Variants in BCL2 observed in about 807,000 individuals in gnomAD.
The protein encoded by BCL2 is apoptosis regulator Bcl-2.
A neutral mutation model predicts 14.2 loss-of-function variants in BCL2; 1 was observed. The ratio of observed to expected loss-of-function variants is 0.07; its 90% CI spans 0.02 to 0.33. BCL2 has a LOEUF of 0.33. BCL2 is among the 10% of genes least tolerant of loss of function. BCL2 has a pLI of 0.99. For missense variants in BCL2, 247 were observed against 305.9 expected, an observed-to-expected ratio of 0.81 and a Z score of 1.44; for synonymous variants, 151 against 137.2, an observed-to-expected ratio of 1.10 and a Z score of -0.70.
chr18:63,176,348 G>C (rs1275697677), intron 2 of BCL2, among the ~76,000 whole-genome samples: 1 of 152,212 alleles, frequency 6.6e-6, no homozygotes, highest in Non-Finnish European at 1.5e-5. Context: ...GGCCAATGTG[G>C]GTGGTCAGGC....
Position 63,266,594 on chromosome 18 carries a change from T to G in BCL2, c.585+51488A>C, listed in dbSNP as rs544801745. ...ACAGATGACAAACCCGGAACCAATT[T>G]GGAACATAAATCTCTCTCTCTCTCT... On this transcript the variant is annotated intron_variant, in intron 2 of 2. Transcript: ENST00000333681. Among the ~76,000 whole-genome samples, 80 of 147,706 alleles carry G rather than the reference T, an allele frequency of 5.4e-4. 1 individual carries two copies. The highest frequency in any genetic ancestry group is 1.0e-3 in the Non-Finnish European group (68 of 67,496).
At chr18:63,229,534 T>C (rs932301157) in intron 2 of BCL2, among the ~76,000 whole-genome samples, 4 of 152,226 alleles carry the variant, frequency 2.6e-5, no homozygotes, top group Non-Finnish European at 4.4e-5. Flanking sequence ...TTTGTGATAG[T>C]GAGTTCTCAT....
chr18:63,264,150 T>C (rs1016709162), intron 2 of BCL2, among the ~76,000 whole-genome samples: 20 of 152,322 alleles, frequency 1.3e-4, no homozygotes, highest in Non-Finnish European at 2.2e-4. Flanking sequence ...GGACTGCACC[T>C]TACCCGTCTT....
intron 2 of BCL2, among the ~76,000 whole-genome samples, chr18:63,180,505 C>T (rs935166739): frequency 7.2e-5 from 11 of 151,864 alleles, no homozygotes; most frequent in South Asian, 2.1e-4. Flanking sequence ...AGAAGCTGTC[C>T]GCCCACCCCA....
chr18:63,193,722 T>C (rs1354861779), intron 2 of BCL2, among the ~76,000 whole-genome samples: 1 of 151,956 alleles, frequency 6.6e-6, no homozygotes, highest in Non-Finnish European at 1.5e-5. Flanking sequence ...CATTCCTTGA[T>C]ATATATTATT....
At chr18:63,263,829 G>A (rs1166055112) in intron 2 of BCL2, among the ~76,000 whole-genome samples, 1 of 152,172 alleles carries the variant, frequency 6.6e-6, no homozygotes, top group African/African-American at 2.4e-5. Flanking sequence ...CTGGACTGCT[G>A]CAAATTTTTT....
intron 2 of BCL2, among the ~76,000 whole-genome samples, chr18:63,229,169 T>TTTTATTTA (rs549107762): frequency 6.6e-6 from 1 of 152,116 alleles, no homozygotes; most frequent in South Asian, 2.1e-4. Context: ...TAGTGGGAGA[T>TTTTATTTA]TTTATTTATT....
intron 2 of BCL2, among the ~76,000 whole-genome samples, chr18:63,312,943 T>C (rs1038048390): frequency 6.6e-6 from 1 of 152,176 alleles, no homozygotes; most frequent in Admixed American, 6.5e-5. Flanking sequence ...TGCCTTTCAG[T>C]TCTCTTAAGC....
In BCL2 at chr18:63,237,194, C is replaced by A. The variant is rs371461035; in HGVS notation, c.585+80888G>T. Among the ~76,000 whole-genome samples, 3 of 152,088 alleles carry A rather than the reference C, an allele frequency of 2.0e-5. No individual in the cohort carries two copies. The East Asian group carries it at 5.8e-4, about 29-fold the overall frequency. On this transcript the variant is annotated intron_variant, in intron 2 of 2. Transcript: ENST00000333681. ...ACTGTGGTATGGAGGCCGAGAGAGG[C>A]CCATTTTAAGGAAGAAGCAAGACAT...
chr18:63,205,559 T>A (rs1391000601), intron 2 of BCL2, among the ~76,000 whole-genome samples: 1 of 152,182 alleles, frequency 6.6e-6, no homozygotes, highest in Non-Finnish European at 1.5e-5. Flanking sequence ...TTCCTCATGA[T>A]CTGGGCTCAT....
chr18:63,132,646 T>C (rs1187377218), intron 2 of BCL2, among the ~76,000 whole-genome samples: 1 of 152,164 alleles, frequency 6.6e-6, no homozygotes, highest in African/African-American at 2.4e-5. Flanking sequence ...CCTTCTACAA[T>C]TCCAAAGTGC....
At chr18:63,203,978 A>G (rs573680758) in intron 2 of BCL2, among the ~76,000 whole-genome samples, 3 of 152,284 alleles carry the variant, frequency 2.0e-5, no homozygotes, top group South Asian at 2.1e-4. Flanking sequence ...GTCTTTTCAC[A>G]TTTTCAAAGC....
chr18:63,254,691 T>C (rs974327137), intron 2 of BCL2, among the ~76,000 whole-genome samples: 4 of 152,238 alleles, frequency 2.6e-5, no homozygotes, highest in African/African-American at 9.6e-5. Context: ...AATACACGTA[T>C]TTAAAATATG....
At chr18:63,160,410 T>C (rs1461789490) in intron 2 of BCL2, among the ~76,000 whole-genome samples, 1 of 152,170 alleles carries the variant, frequency 6.6e-6, no homozygotes, top group African/African-American at 2.4e-5. Flanking sequence ...TTTTGTTCTT[T>C]AGGCATCAGA....
chr18:63,174,377 T>C (rs1180900922), intron 2 of BCL2, among the ~76,000 whole-genome samples: 1 of 152,004 alleles, frequency 6.6e-6, no homozygotes, highest in East Asian at 1.9e-4. Flanking sequence ...CTTTTATTGT[T>C]GTTTTTTTTT....
At chr18:63,282,015 C>A (rs1366902363) in intron 2 of BCL2, among the ~76,000 whole-genome samples, 1 of 152,210 alleles carries the variant, frequency 6.6e-6, no homozygotes, top group Non-Finnish European at 1.5e-5. Flanking sequence ...CTGGTCAAGA[C>A]CAAACTAATA....
chr18:63,289,723 G>A (rs913741737), intron 2 of BCL2, among the ~76,000 whole-genome samples: 1 of 152,054 alleles, frequency 6.6e-6, no homozygotes, highest in Non-Finnish European at 1.5e-5. Flanking sequence ...GTGAAACCCC[G>A]CCTCTACTAA....
intron 2 of BCL2, among the ~76,000 whole-genome samples, chr18:63,156,554 AC>A (rs1323877039): frequency 6.6e-6 from 1 of 152,168 alleles, no homozygotes; most frequent in Non-Finnish European, 1.5e-5. Context: ...CAAATGCCCA[AC>A]ACCTGTACTG....
chr18:63,154,625 C>T (rs980229868), intron 2 of BCL2, among the ~76,000 whole-genome samples: 3 of 152,188 alleles, frequency 2.0e-5, no homozygotes, highest in African/African-American at 4.8e-5. Context: ...TTTTGCACAC[C>T]TCTCCACACT....
Sources: gnomAD v4.1 joint callset for allele counts (sites outside exome capture counted in the v4.1 genomes callset) on GRCh38, gnomAD v4.1.1 for gene constraint, MANE v1.5 for transcripts, NCBI Gene and HGNC (gene_info 2026-07-23, HGNC 2026-07-21) for gene names.